Variants in PPM1L observed in about 807,000 individuals in gnomAD.
The protein encoded by PPM1L is protein phosphatase 1L.
In PPM1L, 13 loss-of-function variants were observed where a neutral mutation model predicts 31.4. The ratio of observed to expected loss-of-function variants is 0.41; its 90% CI spans 0.27 to 0.66. The LOEUF (loss-of-function observed/expected upper bound fraction) is 0.66, where lower values mean the gene tolerates loss of function less well. PPM1L is among the 30% of genes least tolerant of loss of function. The pLI, the probability that PPM1L is intolerant of heterozygous loss-of-function variation, is 0.29. For missense variants in PPM1L, 326 were observed against 453.7 expected, an observed-to-expected ratio of 0.72 and a Z score of 2.56; for synonymous variants, 184 against 175.4, an observed-to-expected ratio of 1.05 and a Z score of -0.39.
chr3:161,064,260 C>T (rs1401155214), intron 2 of PPM1L, among the ~76,000 whole-genome samples: 1 of 150,626 alleles, frequency 6.6e-6, no homozygotes, highest in Non-Finnish European at 1.5e-5. Context: ...CCAGCTACTC[C>T]AGAGGCTGAG....
chr3:160,834,575 C>T (rs958606117), intron 1 of PPM1L, among the ~76,000 whole-genome samples: 1 of 151,360 alleles, frequency 6.6e-6, no homozygotes, highest in East Asian at 1.9e-4. Flanking sequence ...TATTCATATC[C>T]CCTATCTTCC....
intron 1 of PPM1L, among the ~76,000 whole-genome samples, chr3:160,827,108 C>G (rs747155171): frequency 9.2e-5 from 14 of 152,136 alleles, no homozygotes; most frequent in Non-Finnish European, 2.1e-4. Flanking sequence ...TTCTCAAACT[C>G]TTTGTGCTTG....
chr3:160,949,979 G>A (rs112050998), intron 1 of PPM1L, among the ~76,000 whole-genome samples: 8 of 152,166 alleles, frequency 5.3e-5, no homozygotes, highest in African/African-American at 7.2e-5. Context: ...AGTTTGCTTC[G>A]TTAGGTTAGC....
chr3:160,999,223 G>A (rs1208812979), intron 2 of PPM1L, among the ~76,000 whole-genome samples: 3 of 152,078 alleles, frequency 2.0e-5, no homozygotes, highest in Admixed American at 2.0e-4. Context: ...CATTTTTATA[G>A]ATGAAGAGAC....
At chr3:160,918,471 A>G (rs2108069023) in intron 1 of PPM1L, among the ~76,000 whole-genome samples, 1 of 152,338 alleles carries the variant, frequency 6.6e-6, no homozygotes, top group South Asian at 2.1e-4. Flanking sequence ...CATCACATGG[A>G]TAAGAGTTTA....
At chr3:160,915,602 G>A (rs1017859632) in intron 1 of PPM1L, among the ~76,000 whole-genome samples, 5 of 152,152 alleles carry the variant, frequency 3.3e-5, no homozygotes, top group Admixed American at 3.3e-4. Context: ...GCATTGCCAA[G>A]TCAATCCTAA....
chr3:160,981,469 C>T (rs1051711588), intron 2 of PPM1L, among the ~76,000 whole-genome samples: 6 of 152,170 alleles, frequency 3.9e-5, no homozygotes, highest in African/African-American at 1.4e-4. Context: ...AGGGGGCACC[C>T]AAGACCAAAG....
At chr3:160,999,534 CA>C (rs1348657551) in intron 2 of PPM1L, among the ~76,000 whole-genome samples, 1 of 152,220 alleles carries the variant, frequency 6.6e-6, no homozygotes, top group African/African-American at 2.4e-5. Flanking sequence ...TTCTTTCCAG[CA>C]TTCTTACCTT....
intron 1 of PPM1L, among the ~76,000 whole-genome samples, chr3:160,890,036 A>G (rs532135686): frequency 2.0e-5 from 3 of 152,358 alleles, no homozygotes; most frequent in East Asian, 3.9e-4. Flanking sequence ...CACAGCCAAT[A>G]TAATATTTAA....
chr3:160,884,421 T>A (rs1712839498), intron 1 of PPM1L, among the ~76,000 whole-genome samples: 1 of 152,100 alleles, frequency 6.6e-6, no homozygotes, highest in South Asian at 2.1e-4. Flanking sequence ...GGAAAGACAT[T>A]TTAAAGAATA....
intron 1 of PPM1L, among the ~76,000 whole-genome samples, chr3:160,821,597 A>T (rs1713204166): frequency 6.6e-6 from 1 of 152,088 alleles, no homozygotes; most frequent in African/African-American, 2.4e-5. Flanking sequence ...AAATAATTCA[A>T]TTTTTTGGGA....
intron 2 of PPM1L, among the ~76,000 whole-genome samples, chr3:161,017,339 A>T (rs1463466035): frequency 6.6e-6 from 1 of 152,232 alleles, no homozygotes; most frequent in African/African-American, 2.4e-5. Context: ...TTAGATATAG[A>T]GAAGTGTCAT....
chr3:161,067,572 G>T (rs1299371454), intron 3 of PPM1L, among the ~76,000 whole-genome samples: 4 of 152,228 alleles, frequency 2.6e-5, no homozygotes, highest in Non-Finnish European at 5.9e-5. Flanking sequence ...TGGCAGCAAA[G>T]CCTAGCACTT....
intron 1 of PPM1L, among the ~76,000 whole-genome samples, chr3:160,905,404 A>G (rs931629124): frequency 2.6e-5 from 4 of 152,210 alleles, no homozygotes; most frequent in African/African-American, 7.2e-5. Context: ...ATAAGCTCTG[A>G]ATATTAGCTT....
At chr3:160,963,035 A>G (rs1178801800) in intron 2 of PPM1L, among the ~76,000 whole-genome samples, 1 of 151,642 alleles carries the variant, frequency 6.6e-6, no homozygotes, top group African/African-American at 2.4e-5. Context: ...GTTACTTTCA[A>G]TATTCTTCTC....
At chr3:160,911,574 T>C (rs1713974334) in intron 1 of PPM1L, among the ~76,000 whole-genome samples, 1 of 152,188 alleles carries the variant, frequency 6.6e-6, no homozygotes, top group African/African-American at 2.4e-5. Context: ...CCTGGGCTCC[T>C]TTTACTGAGG....
intron 1 of PPM1L, among the ~76,000 whole-genome samples, chr3:160,849,018 G>A (rs556091880): frequency 1.3e-5 from 2 of 152,296 alleles, no homozygotes; most frequent in Non-Finnish European, 2.9e-5. Context: ...GCAGGGTGGA[G>A]AGTGCATATG....
chr3:160,803,334 TAAC>T (rs1371493926), intron 1 of PPM1L, among the ~76,000 whole-genome samples: 2 of 152,264 alleles, frequency 1.3e-5, no homozygotes, highest in Non-Finnish European at 2.9e-5. Flanking sequence ...CTCTGAATAA[TAAC>T]CTCAGAAATT....
At position 160,920,586 on chromosome 3, in the gene PPM1L, T is replaced by TTCTCTCTCTC. The variant is rs3063236; in HGVS notation, c.400-41129_400-41120dup. 8.3e-3 allele frequency among the ~76,000 whole-genome samples: 993 copies of TTCTCTCTCTC among 120,158 alleles called. 14 individuals are homozygous for TTCTCTCTCTC. Among genetic ancestry groups the TTCTCTCTCTC allele is most frequent in the Middle Eastern group, 0.023 (5 of 222 alleles). 78.8% of individuals were successfully genotyped at this position (120,158 alleles called of 152,430 possible). On this transcript the variant is annotated intron_variant, in intron 1 of 3. Transcript: ENST00000498165. Reference sequence around the variant, plus strand: ...CAGCAACTGCACTTATGCATTTAGTTTCTCTCTCTCTCTCTCTCTCTCTCT... The same window carrying TTCTCTCTCTC: ...CAGCAACTGCACTTATGCATTTAGTTTCTCTCTCTCTCTCTCTCTCTCTCTCTCTCTCTCT...
Sources: gnomAD v4.1 joint callset for allele counts (sites outside exome capture counted in the v4.1 genomes callset) on GRCh38, gnomAD v4.1.1 for gene constraint, MANE v1.5 for transcripts, NCBI Gene and HGNC (gene_info 2026-07-23, HGNC 2026-07-21) for gene names.